The following NEBL variants were observed in gnomAD, a reference collection of about 807,000 sequenced individuals.
NEBL encodes nebulette, also known as LIM and SH3 protein 2.
Under a neutral mutation model 140.2 loss-of-function variants are expected in NEBL, and 122 were observed. The ratio of observed to expected loss-of-function variants is 0.87; its 90% CI spans 0.75 to 1.01. The LOEUF (loss-of-function observed/expected upper bound fraction) is 1.01. Among genes scored for constraint, NEBL ranks in the 50% least tolerant of loss-of-function variants. NEBL has a pLI of 0.00. For synonymous variants in NEBL, 436 were observed against 398.9 expected (o/e 1.09, Z -1.11); for missense variants, 1,365 against 1,231.3 (o/e 1.11, Z -1.62).
rs1840167981 is a variant in NEBL at position 21,152,204 on chromosome 10, C to G, written c.164+20179G>C. Among the ~76,000 whole-genome samples the G allele has an allele frequency of 3.3e-5, 5 of 152,182 alleles. No homozygotes were observed. The South Asian group carries it at 1.0e-3, about 32-fold the overall frequency. On this transcript the variant is annotated intron_variant, in intron 2 of 6. Coordinates refer to the NEBL transcript ENST00000417816. ...TACTTCCACCCAACACAGCCCAATCCATGATGGATTCTCTTTCGTGCTCAT... is the reference window on the plus strand; with the variant it reads ...TACTTCCACCCAACACAGCCCAATCGATGATGGATTCTCTTTCGTGCTCAT...
chr10:21,239,655 TG>T, intron 3 of NEBL, among the ~76,000 whole-genome samples: 1 of 152,240 alleles, frequency 6.6e-6, no homozygotes, highest in Non-Finnish European at 1.5e-5. Flanking sequence ...CCTTCTCCCT[TG>T]GGACTGCCAG....
At chr10:21,233,498 T>C (rs187699975) in intron 3 of NEBL, among the ~76,000 whole-genome samples, 25 of 151,386 alleles carry the variant, frequency 1.7e-4, no homozygotes, top group Non-Finnish European at 3.4e-4. Flanking sequence ...AATGTATGCA[T>C]ACATAACTAT....
At chr10:20,818,736 C>T (rs1838982171) in intron 20 of NEBL, 2 of 941,380 alleles carry the variant, frequency 2.1e-6, no homozygotes, top group Non-Finnish European at 2.5e-6. Context: ...AGGACAATGC[C>T]CAGTACATTT....
intron 2 of NEBL, among the ~76,000 whole-genome samples, chr10:21,040,523 C>T (rs921855527): frequency 2.6e-5 from 4 of 152,066 alleles, no homozygotes; most frequent in African/African-American, 9.7e-5. Flanking sequence ...AGATGCCAGA[C>T]TCCTTTAAAC....
At chr10:20,987,511 A>G (rs944331197) in intron 3 of NEBL, among the ~76,000 whole-genome samples, 2 of 151,878 alleles carry the variant, frequency 1.3e-5, no homozygotes, top group Non-Finnish European at 2.9e-5. Flanking sequence ...CTCACTCCTC[A>G]ATCCTTAACC....
At chr10:20,798,606 C>T (rs1369870304) in intron 26 of NEBL, among the ~76,000 whole-genome samples, 1 of 152,206 alleles carries the variant, frequency 6.6e-6, no homozygotes, top group African/African-American at 2.4e-5. Flanking sequence ...CCTTTACATG[C>T]ATGTCACTTT....
In NEBL at chr10:20,888,108, G is replaced by T; in HGVS notation, c.358C>A (p.Leu120Ile). The T allele has an allele frequency of 1.2e-6, 2 of 1,606,972 alleles. No homozygotes were observed. The highest frequency in any genetic ancestry group is 1.7e-6 in the Non-Finnish European group (2 of 1,173,564). The change falls in exon 4 of 28, where the codon CTC (leucine) becomes ATC (isoleucine). Residue 120 changes from leucine to isoleucine, a missense_variant. Transcript: ENST00000377122. ...TAGAAAAACCCTACCTCACTCTGGA[G>T]CTGTGTAACTTCTCCTGCAAAAACA... ...DSVFAGEVTQ[L>I]QSEVAYKQKH...
chr10:21,127,635 G>C (rs1347777690), intron 2 of NEBL, among the ~76,000 whole-genome samples: 3 of 152,040 alleles, frequency 2.0e-5, no homozygotes, highest in African/African-American at 7.2e-5. Flanking sequence ...TGAAACATGG[G>C]GATAGAGGCA....
At chr10:21,252,350 A>G (rs1220494913) in intron 1 of NEBL, among the ~76,000 whole-genome samples, 3 of 152,238 alleles carry the variant, frequency 2.0e-5, no homozygotes, top group African/African-American at 7.2e-5. Context: ...CACAAGCACT[A>G]AAGACAGACA....
chr10:21,173,763 A>C lies in NEBL; in HGVS notation c.69+2T>G. ...AGGCTGGCCCGGCGCCCCCTCGCTC[A>C]CCTTATCCAGGCAGTTGACTTTCTC... is the stretch of plus-strand genomic sequence containing the variant. On this transcript the variant is annotated splice_donor_variant, in intron 1 of 6. Coordinates refer to the NEBL transcript ENST00000417816. LOFTEE classifies it high-confidence loss of function. This position sits in a 1 kb window ranked among gnomAD's most constrained non-coding sequence, Gnocchi z 5.7. 1 of 1,608,516 alleles carries C rather than the reference A, an allele frequency of 6.2e-7. No homozygotes were observed. The highest frequency in any genetic ancestry group is 8.5e-7 in the Non-Finnish European group (1 of 1,178,838).
intron 1 of NEBL, among the ~76,000 whole-genome samples, chr10:21,259,869 C>T (rs879856900): frequency 1.5e-4 from 23 of 152,160 alleles, no homozygotes; most frequent in Non-Finnish European, 2.9e-4. Context: ...CAGGAAGGTG[C>T]AAGACTTCGG....
intron 4 of NEBL, among the ~76,000 whole-genome samples, chr10:20,941,410 A>G (rs556715041): frequency 3.9e-5 from 6 of 152,338 alleles, no homozygotes; most frequent in African/African-American, 1.4e-4. Flanking sequence ...CTCTCAATCA[A>G]TTAGGTACTG....
At chr10:21,087,065 G>C (rs1249889944) in intron 2 of NEBL, among the ~76,000 whole-genome samples, 5 of 152,202 alleles carry the variant, frequency 3.3e-5, no homozygotes, top group South Asian at 2.1e-4. Flanking sequence ...TCTCTCTTCT[G>C]AGCTTCCATC....
At chr10:21,157,952 C>A (rs750545215) in intron 2 of NEBL, among the ~76,000 whole-genome samples, 10 of 152,170 alleles carry the variant, frequency 6.6e-5, no homozygotes, top group Non-Finnish European at 1.0e-4. Flanking sequence ...ATCTATTCAA[C>A]ATAAGCCAAG....
chr10:21,164,408 A>C (rs766777548), intron 2 of NEBL, among the ~76,000 whole-genome samples: 7 of 152,212 alleles, frequency 4.6e-5, no homozygotes, highest in Non-Finnish European at 1.0e-4. Flanking sequence ...GTCTGAAAAC[A>C]TTTAAAGAGG....
At chr10:20,983,454 T>A (rs575427411) in intron 3 of NEBL, among the ~76,000 whole-genome samples, 10 of 152,344 alleles carry the variant, frequency 6.6e-5, no homozygotes, top group African/African-American at 2.4e-4. Flanking sequence ...AGTTTTCTGA[T>A]TAATCTTTGG....
chr10:20,889,386 C>T (rs570762173), intron 3 of NEBL, among the ~76,000 whole-genome samples: 114 of 152,254 alleles, frequency 7.5e-4, no homozygotes, highest in African/African-American at 2.7e-3. Context: ...CTTTATCCTA[C>T]TCCAAAATAG....
intron 3 of NEBL, among the ~76,000 whole-genome samples, chr10:21,231,777 G>A (rs2132255368): frequency 6.6e-6 from 1 of 152,194 alleles, no homozygotes; most frequent in African/African-American, 2.4e-5. Context: ...GAGGAGGTAG[G>A]GAGAAGGGTA....
chr10:20,933,150 C>A (rs1311373683), intron 4 of NEBL, among the ~76,000 whole-genome samples: 1 of 152,126 alleles, frequency 6.6e-6, no homozygotes, highest in African/African-American at 2.4e-5. Context: ...GGATCCCCAG[C>A]AATGATTTGA....
Sources: gnomAD v4.1 joint callset for allele counts (sites outside exome capture counted in the v4.1 genomes callset) on GRCh38, gnomAD v4.1.1 for gene constraint, Gnocchi (gnomAD v3.1) non-coding constraint, MANE v1.5 for transcripts, NCBI Gene and HGNC (gene_info 2026-07-23, HGNC 2026-07-21) for gene names.